The following MAP3K13 variants were observed in gnomAD, a reference collection of about 807,000 sequenced individuals.
MAP3K13 encodes the protein leucine zipper-bearing kinase.
A neutral mutation model predicts 104.0 loss-of-function variants in MAP3K13; 52 were observed. That is an observed-to-expected ratio of 0.50 (90% confidence interval 0.40 to 0.63). MAP3K13 has a LOEUF of 0.63. Ranked by LOEUF, MAP3K13 falls within the 20% of genes least tolerant of loss-of-function variation. The pLI is 0.00. For missense variants in MAP3K13, 914 were observed against 1,218.5 expected, an observed-to-expected ratio of 0.75 and a Z score of 3.72; for synonymous variants, 394 against 442.2, an observed-to-expected ratio of 0.89 and a Z score of 1.37.
chr3:185,388,124 C>CA (rs561501305), intron 1 of MAP3K13, among the ~76,000 whole-genome samples: 2,425 of 137,126 alleles, frequency 0.018, 58 homozygotes, highest in African/African-American at 0.052. Flanking sequence ...CAATTGCTAC[C>CA]AAAAAAAAAA....
chr3:185,439,942 C>G (rs570516988), intron 3 of MAP3K13, among the ~76,000 whole-genome samples: 25 of 152,262 alleles, frequency 1.6e-4, no homozygotes, highest in African/African-American at 6.0e-4. Flanking sequence ...ATGTTTGCAG[C>G]CATCTGTGCC....
At chr3:185,378,038 T>A (rs1724522937) in intron 1 of MAP3K13, among the ~76,000 whole-genome samples, 1 of 152,174 alleles carries the variant, frequency 6.6e-6, no homozygotes, top group Non-Finnish European at 1.5e-5. Context: ...CCCTGGCAGC[T>A]GCGGTTCAGG....
intron 1 of MAP3K13, among the ~76,000 whole-genome samples, chr3:185,396,387 T>TA (rs1434090336): frequency 2.6e-5 from 4 of 151,798 alleles, no homozygotes; most frequent in East Asian, 3.9e-4. Context: ...AATAAATAAA[T>TA]AATTAAAAAT....
chr3:185,358,554 G>C (rs1723474538), upstream of MAP3K13, among the ~76,000 whole-genome samples: 2 of 152,178 alleles, frequency 1.3e-5, no homozygotes, highest in South Asian at 4.1e-4. Flanking sequence ...GGATAGATTT[G>C]AGTGAACTTA....
intron 7 of MAP3K13, among the ~76,000 whole-genome samples, chr3:185,455,096 GAT>G (rs1297983244): frequency 2.8e-5 from 3 of 108,206 alleles, no homozygotes; most frequent in Admixed American, 1.2e-4. Flanking sequence ...ATATATATGA[GAT>G]ATATGTGAGA....
upstream of MAP3K13, among the ~76,000 whole-genome samples, chr3:185,362,603 G>C (rs1474407448): frequency 6.6e-6 from 1 of 152,058 alleles, no homozygotes; most frequent in Non-Finnish European, 1.5e-5. Flanking sequence ...TGTTTTCTTA[G>C]TTACTAGATT....
At chr3:185,430,025 C>T (rs1302426275) in intron 2 of MAP3K13, among the ~76,000 whole-genome samples, 1 of 152,092 alleles carries the variant, frequency 6.6e-6, no homozygotes, top group African/African-American at 2.4e-5. Context: ...CATGGTGATA[C>T]CCCGTCTCTA....
chr3:185,425,780 C>T (rs1253655185), intron 1 of MAP3K13, among the ~76,000 whole-genome samples: 1 of 152,162 alleles, frequency 6.6e-6, no homozygotes, highest in Admixed American at 6.5e-5. Flanking sequence ...TCCTAGTGAC[C>T]ATTAATTCAC....
intron 1 of MAP3K13, among the ~76,000 whole-genome samples, chr3:185,396,475 T>C (rs1712428907): frequency 6.6e-6 from 1 of 152,174 alleles, no homozygotes; most frequent in South Asian, 2.1e-4. Context: ...TTTGAGCTGT[T>C]TCCCATTGTT....
At chr3:185,332,035 T>TA (rs1722303402) in intron 2 of MAP3K13, among the ~76,000 whole-genome samples, 1 of 152,248 alleles carries the variant, frequency 6.6e-6, no homozygotes, top group Non-Finnish European at 1.5e-5. Flanking sequence ...CACCTGTTGA[T>TA]AGACATTTTG....
At position 185,438,166 on chromosome 3, in the gene MAP3K13, C is replaced by T. The variant is rs181563681; in HGVS notation, c.659+536C>T. On this transcript the variant is annotated intron_variant, in intron 3 of 13. Transcript: ENST00000265026. ...TTTTAATTAGCTGAATGTGGTAGCACAGGCCTGTAGTCCTACCTACTTAAG... is the reference window on the plus strand; with the variant it reads ...TTTTAATTAGCTGAATGTGGTAGCATAGGCCTGTAGTCCTACCTACTTAAG... Among the ~76,000 whole-genome samples the T allele has an allele frequency of 5.3e-5, 8 of 152,006 alleles. No homozygotes were observed. The East Asian group carries it at 1.2e-3, about 22-fold the overall frequency.
rs917082780 is a variant in MAP3K13 at position 185,487,289 on chromosome 3, T to A, written c.*4833T>A. ...AAGTGATCCTCCCACCTCAGCCTCC[T>A]GAGTAGCTGGGACCACAGGTGTGTG... is the stretch of plus-strand genomic sequence containing the variant. On this transcript the variant is annotated 3_prime_UTR_variant, in exon 14 of 14. Coordinates refer to ENST00000265026, the MANE Select transcript of MAP3K13 (RefSeq NM_004721.5). The A allele has an allele frequency of 6.6e-6, 1 of 152,284 alleles. No homozygotes were observed. Among genetic ancestry groups the A allele is most frequent in the Non-Finnish European group, 1.5e-5 (1 of 68,324 alleles). The allele number at this position is 152,284 out of a possible 1,614,324, so 9.4% of individuals were successfully genotyped here.
chr3:185,322,655 A>G (rs543718140), intron 2 of MAP3K13, among the ~76,000 whole-genome samples: 1 of 152,134 alleles, frequency 6.6e-6, no homozygotes, highest in Non-Finnish European at 1.5e-5. Flanking sequence ...CAACTAGGAC[A>G]TTTTAGAGTC....
chr3:185,429,168 G>A, intron 2 of MAP3K13, 112 bp downstream of exon 2: 1 of 940,414 alleles, frequency 1.1e-6, no homozygotes, highest in Non-Finnish European at 1.6e-6. Flanking sequence ...TAAAGAACTA[G>A]TGACAGATGA....
upstream of MAP3K13, chr3:185,363,125 T>C: frequency 1.2e-6 from 1 of 807,246 alleles, no homozygotes; most frequent in Non-Finnish European, 1.5e-6. Flanking sequence ...CCCGCCCCTC[T>C]TTTTTTTTTC....
At chr3:185,384,373 A>T (rs1218031895) in intron 1 of MAP3K13, among the ~76,000 whole-genome samples, 1 of 149,716 alleles carries the variant, frequency 6.7e-6, no homozygotes, top group Admixed American at 6.7e-5. Flanking sequence ...ACCATTGATG[A>T]ATACTTGAGT....
chr3:185,415,108 A>G (rs1713670889), intron 1 of MAP3K13, among the ~76,000 whole-genome samples: 1 of 152,032 alleles, frequency 6.6e-6, no homozygotes, highest in Non-Finnish European at 1.5e-5. Flanking sequence ...TAAGCAGCAC[A>G]CTATCCATCA....
intron 2 of MAP3K13, among the ~76,000 whole-genome samples, chr3:185,436,218 T>C (rs1202486974): frequency 1.3e-5 from 2 of 152,200 alleles, no homozygotes; most frequent in Admixed American, 1.3e-4. Context: ...GTAAAAATAG[T>C]TTTTAAGACA....
chr3:185,395,650 G>A (rs541165506), intron 1 of MAP3K13, among the ~76,000 whole-genome samples: 36 of 150,748 alleles, frequency 2.4e-4, no homozygotes, highest in Non-Finnish European at 4.6e-4. Context: ...GAGCCACCGT[G>A]CCCGGCCTTC....
Sources: gnomAD v4.1 joint callset for allele counts (sites outside exome capture counted in the v4.1 genomes callset) on GRCh38, gnomAD v4.1.1 for gene constraint, MANE v1.5 for transcripts, NCBI Gene and HGNC (gene_info 2026-07-23, HGNC 2026-07-21) for gene names.